DPH6: variants seen among roughly 807,000 people sequenced by gnomAD.
DPH6 encodes the protein diphthine--ammonia ligase.
DPH6 carries 33 observed loss-of-function variants against 38.2 expected under a neutral mutation model. The observed-to-expected ratio is 0.86, with a 90% CI of 0.65 to 1.15. DPH6 has a LOEUF of 1.15. Ranked by LOEUF, DPH6 falls within the 50% of genes most tolerant of loss-of-function variation. The pLI is 0.00. For missense variants in DPH6, 325 were observed against 320.0 expected, an observed-to-expected ratio of 1.02 and a Z score of -0.12; for synonymous variants, 108 against 103.0, an observed-to-expected ratio of 1.05 and a Z score of -0.30.
chr15:35,360,411 G>A (rs1268311109), intron 3 of DPH6, among the ~76,000 whole-genome samples: 1 of 152,168 alleles, frequency 6.6e-6, no homozygotes, highest in African/African-American at 2.4e-5. Context: ...TCTGCAGATG[G>A]CAGGCCCATT....
intron 3 of DPH6, among the ~76,000 whole-genome samples, chr15:35,336,263 G>A (rs961181181): frequency 3.3e-5 from 5 of 152,000 alleles, no homozygotes; most frequent in Admixed American, 1.3e-4. Flanking sequence ...CCTGCAGAGT[G>A]TTTTCCAACT....
At chr15:35,530,075 T>A in intron 3 of DPH6, among the ~76,000 whole-genome samples, 1 of 152,166 alleles carries the variant, frequency 6.6e-6, no homozygotes, top group Non-Finnish European at 1.5e-5. Context: ...TAAAGTCATG[T>A]GCTTCAAAAA....
chr15:35,266,193 C>T (rs2051783064), intron 3 of DPH6, among the ~76,000 whole-genome samples: 1 of 152,124 alleles, frequency 6.6e-6, no homozygotes, highest in African/African-American at 2.4e-5. Flanking sequence ...AGCAAACTTA[C>T]AGGAGTAGCC....
intron 3 of DPH6, among the ~76,000 whole-genome samples, chr15:35,331,592 G>C (rs2140861870): frequency 6.6e-6 from 1 of 152,288 alleles, no homozygotes; most frequent in South Asian, 2.1e-4. Context: ...TTTGAACTTG[G>C]ATGTTGGTAA....
intron 3 of DPH6, among the ~76,000 whole-genome samples, chr15:35,295,376 G>C (rs1459351146): frequency 6.6e-6 from 1 of 152,138 alleles, no homozygotes; most frequent in Non-Finnish European, 1.5e-5. Flanking sequence ...AGGACTCTAA[G>C]TCTGCATCTT....
chr15:35,538,444 A>G lies in DPH6; in HGVS notation c.142T>C (p.Tyr48His). 1 of 1,561,554 alleles carries G rather than the reference A, an allele frequency of 6.4e-7. No individual in the cohort carries two copies. The highest frequency in any genetic ancestry group is 8.8e-7 in the Non-Finnish European group (1 of 1,141,410). ...TGGTGCCCCACTGTCTGATACATGT[A>G]GCTATCCAGTTCATCAGACCCCACT... ...NQVGSDELDSYMYQTVGHHAI... is the reference protein window; with the variant it reads ...NQVGSDELDSHMYQTVGHHAI... The change falls in exon 3 of 9, where the codon TAC (tyrosine) becomes CAC (histidine). Residue 48 changes from tyrosine (Y) to histidine (H), a missense_variant. Coordinates refer to ENST00000256538, the MANE Select transcript of DPH6 (RefSeq NM_080650.4).
intron 3 of DPH6, among the ~76,000 whole-genome samples, chr15:35,345,236 C>T (rs547549520): frequency 1.3e-5 from 2 of 151,772 alleles, no homozygotes; most frequent in African/African-American, 2.4e-5. Context: ...TATCCAGAAA[C>T]CTTATCGATC....
chr15:35,321,416 T>A (rs1004437504), intron 3 of DPH6, among the ~76,000 whole-genome samples: 47 of 152,238 alleles, frequency 3.1e-4, no homozygotes, highest in African/African-American at 1.1e-3. Context: ...AATATTTTCA[T>A]CTAGATATAG....
chr15:35,279,314 G>C (rs1278564707), intron 3 of DPH6, among the ~76,000 whole-genome samples: 1 of 151,960 alleles, frequency 6.6e-6, no homozygotes, highest in African/African-American at 2.4e-5. Context: ...GGTTAATGCT[G>C]GAATAAGTTA....
chr15:35,375,820 C>T (rs985271255), intron 7 of DPH6, among the ~76,000 whole-genome samples: 7 of 151,280 alleles, frequency 4.6e-5, no homozygotes, highest in Non-Finnish European at 8.8e-5. Context: ...TACCTCTCAC[C>T]TCAAAAAAAA....
intron 3 of DPH6, among the ~76,000 whole-genome samples, chr15:35,249,696 TAAA>T (rs1384245810): frequency 6.6e-6 from 1 of 152,174 alleles, no homozygotes; most frequent in Non-Finnish European, 1.5e-5. Flanking sequence ...CGAAGAACTT[TAAA>T]AATAGCATAT....
At chr15:35,359,331 T>C (rs2052594068) in intron 3 of DPH6, among the ~76,000 whole-genome samples, 1 of 152,162 alleles carries the variant, frequency 6.6e-6, no homozygotes, top group African/African-American at 2.4e-5. Flanking sequence ...AGAAAAGGGC[T>C]TGGTTCTTCC....
chr15:35,288,582 G>GA (rs2051959015), intron 3 of DPH6, among the ~76,000 whole-genome samples: 1 of 152,078 alleles, frequency 6.6e-6, no homozygotes, highest in Non-Finnish European at 1.5e-5. Flanking sequence ...ATTTGCAACT[G>GA]ATGCACATAT....
At chr15:35,255,102 A>G (rs1032972056) in intron 3 of DPH6, among the ~76,000 whole-genome samples, 1 of 152,218 alleles carries the variant, frequency 6.6e-6, no homozygotes, top group Admixed American at 6.5e-5. Context: ...GAGGCCTGAC[A>G]CTTGGTAAAA....
At chr15:35,222,535 GA>G (rs2051449193) in intron 3 of DPH6, among the ~76,000 whole-genome samples, 1 of 152,110 alleles carries the variant, frequency 6.6e-6, no homozygotes, top group African/African-American at 2.4e-5. Context: ...AGGACAACTT[GA>G]AGGGGGGGGT....
rs141831698 is a variant in DPH6, at chr15:35,236,277, A to C, written n.201-15695T>G. On this transcript the variant is annotated intron_variant and non_coding_transcript_variant, in intron 3 of 3. Transcript: ENST00000560386. ...AGATAGGAATAATTTAGTATAGTTA[A>C]AAAGTAACAAGTATAGGCCATGAAA... 7.5e-3 allele frequency among the ~76,000 whole-genome samples: 1,145 copies of C among 152,324 alleles called. 3 individuals are homozygous for C. Among genetic ancestry groups the C allele is most frequent in the South Asian group, 0.016 (78 of 4,826 alleles).
chr15:35,351,807 G>A (rs577068174), intron 3 of DPH6, among the ~76,000 whole-genome samples: 13 of 150,166 alleles, frequency 8.7e-5, no homozygotes, highest in Admixed American at 6.7e-4. Context: ...CTGCAGCACT[G>A]AACTCTTGGG....
chr15:35,349,376 A>G (rs2052489418), intron 3 of DPH6, among the ~76,000 whole-genome samples: 1 of 152,152 alleles, frequency 6.6e-6, no homozygotes, highest in African/African-American at 2.4e-5. Flanking sequence ...AAAAGGTATT[A>G]CATTTTGTCA....
At chr15:35,175,976 G>A in the DPH6 span, among the ~76,000 whole-genome samples, 1 of 152,182 alleles carries the variant, frequency 6.6e-6, no homozygotes, top group East Asian at 1.9e-4. Flanking sequence ...TTTCAGACAT[G>A]TTCTCTTTGT....
Sources: gnomAD v4.1 joint callset for allele counts (sites outside exome capture counted in the v4.1 genomes callset) on GRCh38, gnomAD v4.1.1 for gene constraint, MANE v1.5 for transcripts, NCBI Gene and HGNC (gene_info 2026-07-23, HGNC 2026-07-21) for gene names.